Variants in IL31RA observed in about 807,000 individuals in gnomAD.
IL31RA encodes interleukin 31 receptor A.
A neutral mutation model predicts 83.7 loss-of-function variants in IL31RA; 66 were observed. The observed-to-expected ratio is 0.79, with a 90% CI of 0.65 to 0.97. The LOEUF (loss-of-function observed/expected upper bound fraction) is 0.97. Among genes scored for constraint, IL31RA ranks in the 50% least tolerant of loss-of-function variants. The pLI is 0.00. For missense variants in IL31RA, 798 were observed against 919.4 expected (o/e 0.87, Z 1.71); for synonymous variants, 325 against 329.0 (o/e 0.99, Z 0.13).
At chr5:55,867,170 T>C (rs1325084139) in intron 2 of IL31RA, among the ~76,000 whole-genome samples, 1 of 22,130 alleles carries the variant, frequency 4.5e-5, no homozygotes, top group Non-Finnish European at 9.9e-5. Context: ...TGTGTGTGCA[T>C]GTGTGTGTGC....
intron 6 of IL31RA, among the ~76,000 whole-genome samples, chr5:55,893,378 C>A (rs1748135442): frequency 6.6e-6 from 1 of 152,210 alleles, no homozygotes; most frequent in Admixed American, 6.5e-5. Flanking sequence ...TGGTCTCTAG[C>A]AGGGGCACCT....
In IL31RA at chr5:55,903,822, C is replaced by T. The variant is rs951304397; in HGVS notation, c.1070-2284C>T. Among the ~76,000 whole-genome samples, 2 of 152,218 alleles carry T rather than the reference C, an allele frequency of 1.3e-5. No homozygotes were observed. The highest frequency in any genetic ancestry group is 2.4e-5 in the African/African-American group (1 of 41,462). On this transcript the variant is annotated intron_variant, in intron 8 of 14. Coordinates refer to ENST00000652347, the MANE Select transcript of IL31RA (RefSeq NM_139017.7). The surrounding 1 kb of genome is among the most constrained non-coding windows in gnomAD (Gnocchi z 4.7). ...AGGTGGGCTTTCAGGGCTGCCAAAA[C>T]GAAGCACTGCAGACTGGGGGGCTTC...
chr5:55,879,491 G>C (rs1403383921), intron 4 of IL31RA, among the ~76,000 whole-genome samples: 36 of 125,552 alleles, frequency 2.9e-4, no homozygotes, highest in African/African-American at 1.1e-3. Context: ...GGAGTGCTGT[G>C]GCGCGATCTT....
chr5:55,916,633 T>G lies in IL31RA; in HGVS notation c.1819-11T>G, dbSNP rs969903011. 2.5e-6 allele frequency: 4 copies of G among 1,613,068 alleles called. No individual in the cohort carries two copies. Among genetic ancestry groups the G allele is most frequent in the Non-Finnish European group, 3.4e-6 (4 of 1,179,046 alleles). The stretch of plus-strand genomic sequence containing the variant: ...AAATGACCACTTGGGATGTCCCTTT[T>G]TCTTTTCCAGGATAAGCTAAACCTG... On this transcript the variant is annotated splice_polypyrimidine_tract_variant and intron_variant, in intron 14 of 14. Transcript: ENST00000652347.
intron 11 of IL31RA, 42 bp downstream of exon 11, chr5:55,908,453 C>A: frequency 6.2e-7 from 1 of 1,614,208 alleles, no homozygotes; most frequent in Non-Finnish European, 8.5e-7. Flanking sequence ...CCCCAAGCCC[C>A]AGATAGATGC....
At chr5:55,850,465 C>A (rs567881022), upstream of IL31RA, among the ~76,000 whole-genome samples, 2 of 152,230 alleles carry the variant, frequency 1.3e-5, no homozygotes, top group South Asian at 2.1e-4. Context: ...TCCAAGAGTT[C>A]TTGTTCTCTA....
chr5:55,856,327 C>T (rs891047264), intron 1 of IL31RA, among the ~76,000 whole-genome samples: 3 of 152,240 alleles, frequency 2.0e-5, no homozygotes, highest in Non-Finnish European at 2.9e-5. Flanking sequence ...AAATGCTGTA[C>T]TCAAATGAGA....
At chr5:55,857,861 C>T (rs1288650605) in intron 1 of IL31RA, among the ~76,000 whole-genome samples, 2 of 152,196 alleles carry the variant, frequency 1.3e-5, no homozygotes, top group Non-Finnish European at 2.9e-5. Context: ...AACCACCTAA[C>T]ACATGGCTGG....
the IL31RA span, among the ~76,000 whole-genome samples, chr5:55,843,392 T>A: frequency 6.6e-6 from 1 of 152,186 alleles, no homozygotes; most frequent in Admixed American, 6.5e-5. Flanking sequence ...GTGGGAAATA[T>A]GTCCTCCACT....
intron 1 of IL31RA, among the ~76,000 whole-genome samples, chr5:55,857,159 T>C (rs1204859582): frequency 1.3e-5 from 2 of 151,844 alleles, no homozygotes; most frequent in Non-Finnish European, 2.9e-5. Flanking sequence ...AGTGCAGTCA[T>C]GAGATCACAG....
Position 55,918,346 on chromosome 5 carries a change from C to T in IL31RA, c.*1226C>T, listed in dbSNP as rs1749911093. The stretch of plus-strand genomic sequence containing the variant: ...GTTTGAGGAATCAGTACTAGGATTG[C>T]AGGCATGAACTTCGCAAGCCACCCA... On this transcript the variant is annotated 3_prime_UTR_variant, in exon 15 of 15. Coordinates refer to ENST00000652347, the MANE Select transcript of IL31RA (RefSeq NM_139017.7). Among the ~76,000 whole-genome samples the T allele has an allele frequency of 6.6e-6, 1 of 152,182 alleles. No individual in the cohort carries two copies.
At chr5:55,911,029 T>G (rs1233105448) in intron 12 of IL31RA, among the ~76,000 whole-genome samples, 1 of 152,196 alleles carries the variant, frequency 6.6e-6, no homozygotes, top group Non-Finnish European at 1.5e-5. Context: ...TTTCTGCATG[T>G]TATAGGTTAC....
chr5:55,873,080 C>T (rs918460710), intron 4 of IL31RA, among the ~76,000 whole-genome samples: 25 of 152,130 alleles, frequency 1.6e-4, no homozygotes, highest in Non-Finnish European at 3.4e-4. Context: ...CCTTTGTTTT[C>T]TCTTTCCTCC....
intron 11 of IL31RA, chr5:55,908,952 G>A: frequency 9.8e-7 from 1 of 1,018,292 alleles, no homozygotes; most frequent in Non-Finnish European, 1.2e-6. Flanking sequence ...GGCATTAGAA[G>A]CATTCACAAT....
chr5:55,871,299 A>T (rs1397328991), intron 3 of IL31RA, among the ~76,000 whole-genome samples: 1 of 152,194 alleles, frequency 6.6e-6, no homozygotes, highest in Non-Finnish European at 1.5e-5. Context: ...TTCTAGTTTC[A>T]AAATTCCATG....
chr5:55,916,405 T>C (rs958280712), intron 14 of IL31RA, among the ~76,000 whole-genome samples: 1 of 151,400 alleles, frequency 6.6e-6, no homozygotes, highest in Non-Finnish European at 1.5e-5. Context: ...TATATACATA[T>C]AAATAAATAA....
intron 8 of IL31RA, chr5:55,902,491 G>A (rs1334298654): frequency 6.9e-6 from 1 of 145,112 alleles, no homozygotes. Context: ...ACAAAAATTA[G>A]CCAGGCCTGG....
Position 55,872,431 on chromosome 5 carries a change from A to G in IL31RA, c.434A>G (p.Tyr145Cys). ...GGTGTAATTAAATCTCATATGACAT[A>G]CTGGAGATTAGAGAACATAGGTAAG... ...GDGVIKSHMT[Y>C]WRLENIAKTE... Residue 145 changes from tyrosine (Y) to cysteine (C), a missense_variant, in exon 4 of 15, where the codon TAC becomes TGC. Transcript: ENST00000652347. 6.2e-7 allele frequency: 1 copy of G among 1,605,458 alleles called. No individual in the cohort carries two copies. Among genetic ancestry groups the G allele is most frequent in the South Asian group, 1.1e-5 (1 of 90,886 alleles).
intron 1 of IL31RA, among the ~76,000 whole-genome samples, chr5:55,858,040 G>A (rs1403157969): frequency 6.8e-6 from 1 of 148,064 alleles, no homozygotes; most frequent in Non-Finnish European, 1.5e-5. Flanking sequence ...TTTTTCTAAG[G>A]TTTTTTTTTT....
Sources: allele counts gnomAD v4.1 joint callset (sites outside exome capture counted in the v4.1 genomes callset), GRCh38; gene constraint gnomAD v4.1.1; non-coding constraint Gnocchi (gnomAD v3.1); transcripts MANE v1.5; gene names NCBI Gene and HGNC (gene_info 2026-07-23, HGNC 2026-07-21).